The following CSGALNACT1 variants were observed in gnomAD, a reference collection of about 807,000 sequenced individuals.
CSGALNACT1 encodes beta4GalNAcT-1.
CSGALNACT1 carries 52 observed loss-of-function variants against 51.0 expected under a neutral mutation model. The ratio of observed to expected loss-of-function variants is 1.02; its 90% CI spans 0.82 to 1.29. The LOEUF (loss-of-function observed/expected upper bound fraction) is 1.29. Ranked by LOEUF, CSGALNACT1 falls within the 50% of genes most tolerant of loss-of-function variation. The probability of loss-of-function intolerance (pLI) is 0.00; values close to 1 mark genes in which losing one functional copy is unlikely to be tolerated. For synonymous variants in CSGALNACT1, 341 were observed against 254.4 expected (o/e 1.34, Z -3.24); for missense variants, 935 against 679.2 (o/e 1.38, Z -4.19).
chr8:19,633,287 G>A (rs1440840104), intron 1 of CSGALNACT1, among the ~76,000 whole-genome samples: 1 of 151,992 alleles, frequency 6.6e-6, no homozygotes, highest in Non-Finnish European at 1.5e-5. Flanking sequence ...TTTGATTTTT[G>A]TGATCCTTTC....
At chr8:19,508,266 C>T (rs964400750) in intron 3 of CSGALNACT1, among the ~76,000 whole-genome samples, 2 of 152,216 alleles carry the variant, frequency 1.3e-5, no homozygotes, top group Non-Finnish European at 2.9e-5. Flanking sequence ...TATGTCTACA[C>T]AACAGTTCCT....
chr8:19,525,467 A>T (rs959200894), intron 3 of CSGALNACT1, among the ~76,000 whole-genome samples: 7 of 151,684 alleles, frequency 4.6e-5, no homozygotes, highest in South Asian at 4.2e-4. Flanking sequence ...GAAAAAAAAA[A>T]TTAGCTGGGC....
At chr8:19,690,650 A>G (rs2061254184) in intron 1 of CSGALNACT1, among the ~76,000 whole-genome samples, 1 of 152,256 alleles carries the variant, frequency 6.6e-6, no homozygotes, top group African/African-American at 2.4e-5. Context: ...TTAAAAATAC[A>G]TGGCTGGAAT....
At chr8:19,609,787 C>G (rs894075504) in intron 1 of CSGALNACT1, among the ~76,000 whole-genome samples, 7 of 151,974 alleles carry the variant, frequency 4.6e-5, no homozygotes, top group African/African-American at 1.7e-4. Context: ...ATACATATGT[C>G]AAAACAAATC....
intron 1 of CSGALNACT1, among the ~76,000 whole-genome samples, chr8:19,733,555 ACCT>A (rs1405344982): frequency 2.6e-5 from 4 of 152,148 alleles, no homozygotes; most frequent in African/African-American, 4.8e-5. Flanking sequence ...ATTATCGCTC[ACCT>A]CCTCCACAAC....
chr8:19,631,240 C>T (rs1165028428), intron 1 of CSGALNACT1, among the ~76,000 whole-genome samples: 1 of 152,094 alleles, frequency 6.6e-6, no homozygotes, highest in Admixed American at 6.6e-5. Flanking sequence ...CGCTTATATG[C>T]TAAGACTATG....
At chr8:19,458,497 G>A in exon 5 of CSGALNACT1, 2 of 1,614,174 alleles carry the variant, frequency 1.2e-6, no homozygotes. Context: ...TGATAAGCGT[G>A]TTGGCCATGT....
chr8:19,444,292 C>T (rs921903269), intron 5 of CSGALNACT1, among the ~76,000 whole-genome samples: 5 of 152,128 alleles, frequency 3.3e-5, no homozygotes, highest in Non-Finnish European at 7.3e-5. Flanking sequence ...TGTTCTGTAT[C>T]ATCTAGGGAA....
rs1188173297 is a variant in CSGALNACT1, at chr8:19,406,077, G to C, written c.1310-8C>G. 6.2e-7 allele frequency: 1 copy of C among 1,614,034 alleles called. No individual in the cohort carries two copies. The highest frequency in any genetic ancestry group is 1.1e-5 in the South Asian group (1 of 91,052). ...TGTCCAGATCAAACCCACCTGTCGG[G>C]ACAGAACACACTGTTGAATCACACT... On this transcript the variant is annotated splice_polypyrimidine_tract_variant and splice_region_variant and intron_variant, in intron 9 of 9. Transcript: ENST00000454498.
intron 1 of CSGALNACT1, among the ~76,000 whole-genome samples, chr8:19,706,540 C>T (rs1374633819): frequency 1.3e-5 from 2 of 152,122 alleles, no homozygotes; most frequent in East Asian, 3.9e-4. Flanking sequence ...CCACAAAACA[C>T]CCAGAAGGAC....
intron 1 of CSGALNACT1, among the ~76,000 whole-genome samples, chr8:19,690,118 G>A (rs768639631): frequency 7.9e-5 from 12 of 152,046 alleles, no homozygotes; most frequent in Non-Finnish European, 1.6e-4. Context: ...ACTACAATCT[G>A]GATAAAACTT....
At chr8:19,442,684 C>T (rs1306608245) in intron 5 of CSGALNACT1, among the ~76,000 whole-genome samples, 2 of 145,360 alleles carry the variant, frequency 1.4e-5, no homozygotes, top group South Asian at 4.6e-4. Context: ...CAAACCTGCA[C>T]ATTGTGCACA....
At chr8:19,477,900 G>A (rs188475870) in intron 4 of CSGALNACT1, among the ~76,000 whole-genome samples, 63 of 152,256 alleles carry the variant, frequency 4.1e-4, no homozygotes, top group East Asian at 3.1e-3. Context: ...TCCCATACAC[G>A]TCCAAACTAC....
chr8:19,678,208 T>G (rs965441397), intron 1 of CSGALNACT1, among the ~76,000 whole-genome samples: 18 of 152,172 alleles, frequency 1.2e-4, no homozygotes, highest in Middle Eastern at 3.2e-3. Flanking sequence ...TTTTAGGGAA[T>G]CACTATTAAC....
intron 1 of CSGALNACT1, among the ~76,000 whole-genome samples, chr8:19,737,844 G>A (rs1050144186): frequency 6.6e-6 from 1 of 152,102 alleles, no homozygotes; most frequent in Admixed American, 6.5e-5. Flanking sequence ...ACTTAGAGTG[G>A]TCAAAATCAT....
chr8:19,476,302 G>C (rs1473659844), intron 4 of CSGALNACT1, among the ~76,000 whole-genome samples: 1 of 152,154 alleles, frequency 6.6e-6, no homozygotes, highest in African/African-American at 2.4e-5. Flanking sequence ...TCAATGGCAA[G>C]ATCTCGGCTC....
At chr8:19,746,382 T>C (rs2064664916) in intron 1 of CSGALNACT1, among the ~76,000 whole-genome samples, 2 of 152,160 alleles carry the variant, frequency 1.3e-5, no homozygotes, top group African/African-American at 4.8e-5. Context: ...CCTAAAACTA[T>C]CTGCCTATTG....
chr8:19,609,543 C>G (rs1163171338), intron 1 of CSGALNACT1, among the ~76,000 whole-genome samples: 1 of 151,388 alleles, frequency 6.6e-6, no homozygotes, highest in Non-Finnish European at 1.5e-5. Context: ...ATACACATAT[C>G]AGCATGGATC....
chr8:19,647,970 G>A (rs1342460454), intron 1 of CSGALNACT1, among the ~76,000 whole-genome samples: 1 of 152,192 alleles, frequency 6.6e-6, no homozygotes, highest in Non-Finnish European at 1.5e-5. Context: ...CTAAGCCAAG[G>A]CACTTCAAGG....
Sources: gnomAD v4.1 joint callset for allele counts (sites outside exome capture counted in the v4.1 genomes callset) on GRCh38, gnomAD v4.1.1 for gene constraint, MANE v1.5 for transcripts, NCBI Gene and HGNC (gene_info 2026-07-23, HGNC 2026-07-21) for gene names.